Variants in SPIDR observed in about 807,000 individuals in gnomAD.
SPIDR encodes the protein DNA repair-scaffolding protein.
Under a neutral mutation model 104.6 loss-of-function variants are expected in SPIDR, and 93 were observed. The ratio of observed to expected loss-of-function variants is 0.89; its 90% CI spans 0.75 to 1.06. The LOEUF (loss-of-function observed/expected upper bound fraction) is 1.06, where lower values mean the gene tolerates loss of function less well. SPIDR is among the 50% of genes least tolerant of loss of function. SPIDR has a pLI of 0.00. For missense variants in SPIDR, 1,154 were observed against 1,111.2 expected (o/e 1.04, Z -0.55); for synonymous variants, 431 against 416.9 (o/e 1.03, Z -0.41).
chr8:47,322,524 G>C (rs182871160), intron 5 of SPIDR, among the ~76,000 whole-genome samples: 3 of 152,218 alleles, frequency 2.0e-5, no homozygotes, highest in East Asian at 1.9e-4. Flanking sequence ...GTGGAAGTCA[G>C]TGTGGCGATT....
chr8:47,395,147 G>A (rs1330925762), intron 5 of SPIDR, among the ~76,000 whole-genome samples: 3 of 151,952 alleles, frequency 2.0e-5, no homozygotes, highest in Non-Finnish European at 2.9e-5. Flanking sequence ...TCAGGAGTTC[G>A]AGACCAGCCT....
intron 1 of SPIDR, among the ~76,000 whole-genome samples, chr8:47,267,621 T>A (rs1554547750): frequency 6.6e-6 from 1 of 152,236 alleles, no homozygotes; most frequent in Non-Finnish European, 1.5e-5. Context: ...CATCTTTTCA[T>A]GTACTTATTG....
At chr8:47,569,254 C>T (rs998000936) in intron 8 of SPIDR, among the ~76,000 whole-genome samples, 6 of 151,846 alleles carry the variant, frequency 4.0e-5, no homozygotes, top group Admixed American at 2.6e-4. Flanking sequence ...CAAAGGTGCC[C>T]CAGAATATAA....
At chr8:47,374,070 C>A (rs891207540) in intron 5 of SPIDR, among the ~76,000 whole-genome samples, 2 of 152,140 alleles carry the variant, frequency 1.3e-5, no homozygotes, top group Non-Finnish European at 2.9e-5. Context: ...TCTACTGAGA[C>A]GTCTTTTTTT....
intron 5 of SPIDR, among the ~76,000 whole-genome samples, chr8:47,308,122 T>C (rs936550722): frequency 2.8e-4 from 42 of 151,778 alleles, no homozygotes; most frequent in African/African-American, 1.0e-3. Context: ...AGTGCAGTGG[T>C]GTGATCTCGG....
chr8:47,365,139 A>G (rs1484453857), intron 5 of SPIDR, among the ~76,000 whole-genome samples: 4 of 152,200 alleles, frequency 2.6e-5, no homozygotes, highest in Non-Finnish European at 5.9e-5. Context: ...GGAGGCATCA[A>G]GCTCCTTCCT....
intron 8 of SPIDR, among the ~76,000 whole-genome samples, chr8:47,463,747 A>G (rs1418659920): frequency 1.3e-4 from 20 of 152,206 alleles, no homozygotes; most frequent in Admixed American, 1.3e-3. Flanking sequence ...ACATTAATGG[A>G]GTGAAGGAGA....
chr8:47,718,504 TC>T lies in SPIDR; in HGVS notation c.2341+4864del, dbSNP rs771592662. Among the ~76,000 whole-genome samples the T allele has an allele frequency of 9.8e-4, 149 of 151,622 alleles. 1 individual carries two copies. The highest frequency in any genetic ancestry group is 3.2e-3 in the African/African-American group (131 of 41,050). On this transcript the variant is annotated intron_variant, in intron 16 of 19. Coordinates refer to ENST00000297423, the MANE Select transcript of SPIDR (RefSeq NM_001080394.4). ...TATGCTTAAACTACTTATCTTTGGC[TC>T]TTTTTTTTTTTCATTTTTCTGTACC...
chr8:47,436,789 T>C (rs564816777), intron 7 of SPIDR, among the ~76,000 whole-genome samples: 1 of 152,322 alleles, frequency 6.6e-6, no homozygotes, highest in South Asian at 2.1e-4. Context: ...TGCTTTTTTC[T>C]CTCTCAGACA....
chr8:47,334,060 T>C (rs561511350), intron 5 of SPIDR, among the ~76,000 whole-genome samples: 13 of 152,370 alleles, frequency 8.5e-5, no homozygotes, highest in African/African-American at 3.1e-4. Context: ...TAGAAGTATT[T>C]TGTTTAGTTT....
intron 8 of SPIDR, among the ~76,000 whole-genome samples, chr8:47,558,373 A>AG (rs2091570428): frequency 6.6e-6 from 1 of 152,224 alleles, no homozygotes; most frequent in Non-Finnish European, 1.5e-5. Context: ...GTACACTGTT[A>AG]TATAGTAGTT....
intron 8 of SPIDR, among the ~76,000 whole-genome samples, chr8:47,487,496 C>T (rs1554732501): frequency 6.6e-6 from 1 of 152,134 alleles, no homozygotes; most frequent in Non-Finnish European, 1.5e-5. Flanking sequence ...AGCTCTGCAC[C>T]TAGAGGACCT....
intron 10 of SPIDR, among the ~76,000 whole-genome samples, chr8:47,640,336 G>A (rs141683684): frequency 1.3e-5 from 2 of 152,274 alleles, no homozygotes; most frequent in Admixed American, 6.5e-5. Flanking sequence ...GAGTTAGGAA[G>A]GCCCATAGAA....
chr8:47,700,376 GAAT>G (rs2079993903), intron 11 of SPIDR, 24 bp from the exon 12 acceptor site: 1 of 1,611,380 alleles, frequency 6.2e-7, no homozygotes, highest in Admixed American at 1.7e-5. Context: ...GTCTGATGAT[GAAT>G]ACCTTTGACT....
chr8:47,418,514 T>A (rs1304470334), intron 7 of SPIDR, among the ~76,000 whole-genome samples: 1 of 152,188 alleles, frequency 6.6e-6, no homozygotes, highest in African/African-American at 2.4e-5. Flanking sequence ...TTAAGGAGAT[T>A]TTGGGCTGAG....
At chr8:47,321,124 T>A (rs1324686296) in intron 5 of SPIDR, among the ~76,000 whole-genome samples, 2 of 152,034 alleles carry the variant, frequency 1.3e-5, no homozygotes, top group Non-Finnish European at 2.9e-5. Context: ...AAATAAAGGG[T>A]ATTCAATTAG....
intron 7 of SPIDR, among the ~76,000 whole-genome samples, chr8:47,410,168 CTTTTTT>C (rs1245237202): frequency 6.6e-6 from 1 of 151,552 alleles, no homozygotes; most frequent in Non-Finnish European, 1.5e-5. Context: ...AATACTTTTT[CTTTTTT>C]TATTTTATTT....
intron 8 of SPIDR, among the ~76,000 whole-genome samples, chr8:47,454,681 A>AT (rs1441585100): frequency 6.6e-6 from 1 of 152,184 alleles, no homozygotes; most frequent in Non-Finnish European, 1.5e-5. Context: ...CCAAGATTGT[A>AT]TATCTGAAAA....
intron 10 of SPIDR, among the ~76,000 whole-genome samples, chr8:47,649,744 T>C (rs980864550): frequency 4.6e-5 from 7 of 152,214 alleles, no homozygotes; most frequent in Non-Finnish European, 7.3e-5. Context: ...TGATTTTTAC[T>C]GTATTTAGAA....
Sources: allele counts gnomAD v4.1 joint callset (sites outside exome capture counted in the v4.1 genomes callset), GRCh38; gene constraint gnomAD v4.1.1; transcripts MANE v1.5; gene names NCBI Gene and HGNC (gene_info 2026-07-23, HGNC 2026-07-21).